HOOK3: variants seen among roughly 807,000 people sequenced by gnomAD.
HOOK3 encodes the protein protein Hook homolog 3.
In HOOK3, 24 loss-of-function variants were observed where a neutral mutation model predicts 116.3. That is an observed-to-expected ratio of 0.21 (90% CI 0.15 to 0.29). The LOEUF is 0.29. Among genes scored for constraint, HOOK3 ranks in the 10% least tolerant of loss-of-function variants. HOOK3 has a pLI of 1.00. For synonymous variants in HOOK3, 275 were observed against 283.0 expected (o/e 0.97, Z 0.28); for missense variants, 632 against 830.2 (o/e 0.76, Z 2.93).
intron 5 of HOOK3, among the ~76,000 whole-genome samples, chr8:42,945,990 A>G (rs979980624): frequency 1.3e-5 from 2 of 152,070 alleles, no homozygotes; most frequent in African/African-American, 4.8e-5. Context: ...CTCTATTGAC[A>G]ACTACTGATT....
intron 2 of HOOK3, among the ~76,000 whole-genome samples, chr8:42,915,480 G>A (rs924581093): frequency 3.3e-5 from 5 of 152,036 alleles, no homozygotes; most frequent in South Asian, 2.1e-4. Flanking sequence ...TGCCCAGGTC[G>A]GAGAGCAATG....
At chr8:42,939,784 G>C (rs1808065228) in intron 4 of HOOK3, among the ~76,000 whole-genome samples, 1 of 151,066 alleles carries the variant, frequency 6.6e-6, no homozygotes, top group African/African-American at 2.4e-5. Context: ...CTGCCGGGCA[G>C]AGGGTCTCCT....
At chr8:42,926,898 TCCACA>T (rs1807776512) in intron 3 of HOOK3, among the ~76,000 whole-genome samples, 2 of 152,194 alleles carry the variant, frequency 1.3e-5, no homozygotes, top group Non-Finnish European at 2.9e-5. Context: ...TATAACCACA[TCCACA>T]CCACCCCTAA....
At chr8:42,946,763 C>CTTTTTT (rs34564365) in intron 5 of HOOK3, among the ~76,000 whole-genome samples, 21 of 73,938 alleles carry the variant, frequency 2.8e-4, no homozygotes, top group East Asian at 3.8e-4. Context: ...CTCTTTCTTT[C>CTTTTTT]TTTTTTTTTT....
chr8:42,993,205 G>C (rs1387810143), intron 15 of HOOK3, among the ~76,000 whole-genome samples: 1 of 152,066 alleles, frequency 6.6e-6, no homozygotes, highest in Non-Finnish European at 1.5e-5. Context: ...TGTTGAATTT[G>C]GTTTGCAGTA....
Position 43,029,243 on chromosome 8 carries a change from A to G in HOOK3, c.*10745A>G, listed in dbSNP as rs61733908. 0.046 allele frequency: 7,640 copies of G among 166,688 alleles called. 372 individuals carry two copies. The highest frequency in any genetic ancestry group is 0.12 in the African/African-American group (5,124 of 41,930). 10.3% of individuals were successfully genotyped at this position (166,688 alleles called of 1,614,324 possible). On this transcript the variant is annotated 3_prime_UTR_variant, in exon 22 of 22. Transcript: ENST00000307602. ...CGCCTCACTGCAACCTCCGCCTCCC[A>G]GGTTCAAGCTATTCTCCTGCCTCAG...
At chr8:42,935,219 G>A (rs971971842) in intron 4 of HOOK3, among the ~76,000 whole-genome samples, 4 of 151,680 alleles carry the variant, frequency 2.6e-5, no homozygotes, top group South Asian at 2.1e-4. Flanking sequence ...CATACCCTTC[G>A]CCCACTTTTT....
chr8:42,919,682 T>A (rs978250066), intron 2 of HOOK3, among the ~76,000 whole-genome samples: 8 of 152,222 alleles, frequency 5.3e-5, no homozygotes, highest in Non-Finnish European at 2.9e-5. Flanking sequence ...AGACTCCGTC[T>A]GCAATCCCGG....
chr8:43,014,921 G>C lies in HOOK3; in HGVS notation c.2016+1521G>C, dbSNP rs143089763. 1.5e-3 allele frequency among the ~76,000 whole-genome samples: 225 copies of C among 152,150 alleles called. No individual in the cohort carries two copies. The East Asian group carries it at 0.017, about 11-fold the overall frequency. On this transcript the variant is annotated intron_variant, in intron 21 of 21. Transcript: ENST00000307602. ...GCACTTTGGGAGTCTGAGGCAGGCAGATCACCTGAGGTCAGGAATTTGAGA... is the reference window on the plus strand; with the variant it reads ...GCACTTTGGGAGTCTGAGGCAGGCACATCACCTGAGGTCAGGAATTTGAGA...
chr8:42,971,535 C>T (rs1039331539), intron 11 of HOOK3, among the ~76,000 whole-genome samples: 14 of 152,190 alleles, frequency 9.2e-5, no homozygotes, highest in African/African-American at 1.2e-4. Flanking sequence ...TCCCAAAGTG[C>T]TGGGATTACA....
intron 2 of HOOK3, among the ~76,000 whole-genome samples, chr8:42,914,439 A>T (rs1486153080): frequency 6.6e-6 from 1 of 152,094 alleles, no homozygotes; most frequent in Non-Finnish European, 1.5e-5. Flanking sequence ...TCCATCCACA[A>T]TCTGTTTTCT....
At chr8:42,982,322 G>A (rs1808967724) in intron 13 of HOOK3, among the ~76,000 whole-genome samples, 1 of 151,092 alleles carries the variant, frequency 6.6e-6, no homozygotes, top group Non-Finnish European at 1.5e-5. Context: ...CAGGGGATAG[G>A]GGAGGGAGGC....
At chr8:42,996,521 A>G (rs951067507) in intron 15 of HOOK3, among the ~76,000 whole-genome samples, 2 of 152,196 alleles carry the variant, frequency 1.3e-5, no homozygotes, top group Non-Finnish European at 1.5e-5. Flanking sequence ...ATCCCAGCAG[A>G]CACTTTGTAT....
Position 42,964,374 on chromosome 8 carries a change from CTCAA to C in HOOK3, c.686_689del (p.Gln229LeufsTer4), listed in dbSNP as rs1808592996. 1 of 1,614,014 alleles carries C rather than the reference CTCAA, an allele frequency of 6.2e-7. No individual in the cohort carries two copies. The highest frequency in any genetic ancestry group is 8.5e-7 in the Non-Finnish European group (1 of 1,179,920). ...AGAGAATCAGGTATTAATGGAAAGA[CTCAA>C]TCAATCTGATTCTATAGAAGACCCT... On this transcript the variant is annotated frameshift_variant, in exon 9 of 22. Coordinates refer to ENST00000307602, the MANE Select transcript of HOOK3 (RefSeq NM_032410.4). LOFTEE classifies it high-confidence loss of function.
intron 3 of HOOK3, among the ~76,000 whole-genome samples, chr8:42,925,906 C>T (rs974705896): frequency 3.3e-5 from 5 of 152,152 alleles, no homozygotes; most frequent in African/African-American, 1.2e-4. Context: ...TTGTGACCTT[C>T]CTTTGCCTTG....
At position 42,956,223 on chromosome 8, in the gene HOOK3, C is replaced by CGTGTGTGTGT. The variant is rs61448463; in HGVS notation, c.469-838_469-829dup. On this transcript the variant is annotated intron_variant, in intron 6 of 21. Coordinates refer to ENST00000307602, the MANE Select transcript of HOOK3 (RefSeq NM_032410.4). ...TCTCTTTGCAACATAAGGATTAGGGCGTGTGTGTGTGTGTGTGTGTGTGTG... is the reference window on the plus strand; with the variant it reads ...TCTCTTTGCAACATAAGGATTAGGGCGTGTGTGTGTGTGTGTGTGTGTGTGTGTGTGTGTG... Among the ~76,000 whole-genome samples the CGTGTGTGTGT allele has an allele frequency of 6.3e-3, 859 of 135,864 alleles. 8 individuals are homozygous for CGTGTGTGTGT. Among genetic ancestry groups the CGTGTGTGTGT allele is most frequent in the African/African-American group, 0.018 (647 of 36,868 alleles). The allele number at this position is 135,864 out of a possible 152,430, so 89.1% of individuals were successfully genotyped here. A position where few individuals can be genotyped will look rare whatever the true frequency, so the allele number is the denominator to read the frequency against.
At chr8:42,988,374 T>C (rs1413036808) in intron 15 of HOOK3, among the ~76,000 whole-genome samples, 5 of 152,242 alleles carry the variant, frequency 3.3e-5, no homozygotes, top group Non-Finnish European at 7.4e-5. Flanking sequence ...TACCCTAGTA[T>C]TTTTTTAGTG....
chr8:42,942,957 A>C (rs1013266620), intron 4 of HOOK3, among the ~76,000 whole-genome samples: 1 of 152,244 alleles, frequency 6.6e-6, no homozygotes, highest in Non-Finnish European at 1.5e-5. Flanking sequence ...TGTTGGGGAC[A>C]TGAATTTATA....
intron 8 of HOOK3, among the ~76,000 whole-genome samples, chr8:42,963,119 C>T (rs538409737): frequency 2.0e-5 from 3 of 151,818 alleles, no homozygotes; most frequent in South Asian, 2.1e-4. Context: ...TGACTTCTTA[C>T]GTTATTTTGA....
Sources: allele counts gnomAD v4.1 joint callset (sites outside exome capture counted in the v4.1 genomes callset), GRCh38; gene constraint gnomAD v4.1.1; transcripts MANE v1.5; gene names NCBI Gene and HGNC (gene_info 2026-07-23, HGNC 2026-07-21).